The following TANGO6 variants were observed in gnomAD, a reference collection of about 807,000 sequenced individuals.
The protein encoded by TANGO6 is transport and golgi organization 6 homolog.
A neutral mutation model predicts 114.2 loss-of-function variants in TANGO6; 90 were observed. The ratio of observed to expected loss-of-function variants is 0.79; its 90% confidence interval spans 0.66 to 0.94. The LOEUF (loss-of-function observed/expected upper bound fraction) is 0.94. TANGO6 is among the 40% of genes least tolerant of loss of function. The probability of loss-of-function intolerance (pLI) is 0.00; values close to 1 mark genes in which losing one functional copy is unlikely to be tolerated. For synonymous variants in TANGO6, 477 were observed against 509.8 expected (o/e 0.94, Z 0.87); for missense variants, 1,274 against 1,315.3 (o/e 0.97, Z 0.49).
At chr16:69,022,655 G>C (rs1410819461) in intron 15 of TANGO6, among the ~76,000 whole-genome samples, 173 bp from the exon 16 acceptor site, 1 of 151,870 alleles carries the variant, frequency 6.6e-6, no homozygotes, top group Non-Finnish European at 1.5e-5. Flanking sequence ...AGTGAGCTGT[G>C]ATTGTGCCAC....
At position 68,856,380 on chromosome 16, in the gene TANGO6, A is replaced by T. The variant is rs561278104; in HGVS notation, c.95-3504A>T. 3.9e-5 allele frequency among the ~76,000 whole-genome samples: 6 copies of T among 152,234 alleles called. No homozygotes were observed. The South Asian group carries it at 1.2e-3, about 31-fold the overall frequency. ...GTTTTCTCCTTATACTGTTAATAAGATGAATCACACTGATTGAGTGTCAAG... is the reference window on the plus strand; with the variant it reads ...GTTTTCTCCTTATACTGTTAATAAGTTGAATCACACTGATTGAGTGTCAAG... On this transcript the variant is annotated intron_variant, in intron 1 of 17. Transcript: ENST00000261778.
At chr16:68,896,838 A>G (rs1010730587) in intron 7 of TANGO6, among the ~76,000 whole-genome samples, 15 of 152,144 alleles carry the variant, frequency 9.9e-5, no homozygotes, top group Non-Finnish European at 2.1e-4. Flanking sequence ...AAAAAGTCCT[A>G]TGTCTCTGTT....
intron 9 of TANGO6, among the ~76,000 whole-genome samples, chr16:68,903,560 G>A (rs1401649455): frequency 6.7e-6 from 1 of 148,212 alleles, no homozygotes; most frequent in Non-Finnish European, 1.5e-5. Flanking sequence ...GGAAGTTACA[G>A]TGAGCTGGGA....
Position 68,854,225 on chromosome 16 carries a change from G to A in TANGO6, c.95-5659G>A, listed in dbSNP as rs1445552847. The stretch of plus-strand genomic sequence containing the variant: ...TCCCAGCACTTTAAGAGGCAGAGGC[G>A]GAAGAATTGCTTAAGCATAGGAGTT... On this transcript the variant is annotated intron_variant, in intron 1 of 17. Coordinates refer to ENST00000261778, the MANE Select transcript of TANGO6 (RefSeq NM_024562.2). Among the ~76,000 whole-genome samples, 13 of 152,260 alleles carry A rather than the reference G, an allele frequency of 8.5e-5. No individual in the cohort carries two copies. The South Asian group carries it at 1.4e-3, about 17-fold the overall frequency.
Position 69,050,777 on chromosome 16 carries a change from C to T in TANGO6, c.3108+10356C>T, listed in dbSNP as rs181180124. On this transcript the variant is annotated intron_variant, in intron 17 of 17. Coordinates refer to ENST00000261778, the MANE Select transcript of TANGO6 (RefSeq NM_024562.2). ...TGCTGGGATTACAGGCTTGAGCCAC[C>T]GCGCCCGGCCCTAATTTTTTTATTT... 4.3e-3 allele frequency among the ~76,000 whole-genome samples: 659 copies of T among 151,512 alleles called. 34 individuals are homozygous for T. The highest frequency in any genetic ancestry group is 0.039 in the Admixed American group (591 of 15,158).
At chr16:68,934,829 G>T (rs1475431322) in intron 14 of TANGO6, among the ~76,000 whole-genome samples, 1 of 152,194 alleles carries the variant, frequency 6.6e-6, no homozygotes, top group South Asian at 2.1e-4. Flanking sequence ...TGGAATAAGC[G>T]TCTTAGTTGA....
At chr16:68,855,342 G>A (rs1961970301) in intron 1 of TANGO6, among the ~76,000 whole-genome samples, 1 of 152,140 alleles carries the variant, frequency 6.6e-6, no homozygotes, top group Non-Finnish European at 1.5e-5. Flanking sequence ...AGCACTTTGG[G>A]AGGCCAAGGC....
Position 68,860,211 on chromosome 16 carries a change from A to C in TANGO6, c.422A>C (p.Gln141Pro), listed in dbSNP as rs373050466. 1.2e-6 allele frequency: 2 copies of C among 1,613,982 alleles called. No homozygotes were observed. The highest frequency in any genetic ancestry group is 2.7e-5 in the African/African-American group (2 of 75,020). The change falls in exon 2 of 18, where the codon CAA (glutamine) becomes CCA (proline). Residue 141 changes from glutamine to proline, a missense_variant. This residue lies in a region of TANGO6 where 908 missense variants were observed against 910.2 expected (regional missense o/e 1.00). Coordinates refer to ENST00000261778, the MANE Select transcript of TANGO6 (RefSeq NM_024562.2). The stretch of plus-strand genomic sequence containing the variant: ...AGCCCCGATGCACTTAGTATCTCAC[A>C]ACAGAAGACTGTCCAGTTCGTTTTG... The part of the protein sequence containing the change: ...ALSPDALSIS[Q>P]QKTVQFVLQF...
chr16:68,986,769 A>G lies in TANGO6; in HGVS notation c.2842+12601A>G, dbSNP rs190360115. ...GAAATACAAAAATTAGCCAAGAGTG[A>G]TGGCACACACCTGTAATCCCAGCTA... On this transcript the variant is annotated intron_variant, in intron 15 of 17. Transcript: ENST00000261778. Among the ~76,000 whole-genome samples the G allele has an allele frequency of 5.9e-3, 891 of 152,144 alleles. 4 individuals carry two copies. Among genetic ancestry groups the G allele is most frequent in the Non-Finnish European group, 9.7e-3 (660 of 67,986 alleles).
intron 14 of TANGO6, among the ~76,000 whole-genome samples, chr16:68,936,147 G>A (rs1169802580): frequency 1.3e-5 from 2 of 152,106 alleles, no homozygotes. Flanking sequence ...TTGCACCACT[G>A]CACTCCATCC....
chr16:68,959,683 C>T (rs1963571238), intron 14 of TANGO6, among the ~76,000 whole-genome samples: 1 of 152,206 alleles, frequency 6.6e-6, no homozygotes, highest in African/African-American at 2.4e-5. Context: ...GTGCCCCAGA[C>T]ACAGGGCACA....
Position 68,907,432 on chromosome 16 carries a change from C to T in TANGO6, c.1668-11C>T, listed in dbSNP as rs1962867130. The T allele has an allele frequency of 6.4e-7, 1 of 1,568,248 alleles. No individual in the cohort carries two copies. Among genetic ancestry groups the T allele is most frequent in the African/African-American group, 1.4e-5 (1 of 72,844 alleles). On this transcript the variant is annotated splice_polypyrimidine_tract_variant and intron_variant, in intron 9 of 17. Coordinates refer to ENST00000261778, the MANE Select transcript of TANGO6 (RefSeq NM_024562.2). ...TGACACTACCAAGATAAATTTTACC[C>T]TGCATTGCAGTGATGAAGATGAAGA... is the stretch of plus-strand genomic sequence containing the variant.
intron 11 of TANGO6, among the ~76,000 whole-genome samples, chr16:68,917,362 A>T (rs948072383): frequency 3.9e-5 from 6 of 152,184 alleles, no homozygotes; most frequent in Non-Finnish European, 8.8e-5. Flanking sequence ...GCTGCTATAA[A>T]CAACCATGTG....
At chr16:68,970,951 G>A (rs1345584182) in intron 14 of TANGO6, among the ~76,000 whole-genome samples, 2 of 151,986 alleles carry the variant, frequency 1.3e-5, no homozygotes, top group African/African-American at 4.8e-5. Flanking sequence ...TCAGGAGTTC[G>A]AGATCAGCCT....
chr16:68,974,463 A>G (rs1597043319), intron 15 of TANGO6, among the ~76,000 whole-genome samples: 1 of 152,036 alleles, frequency 6.6e-6, no homozygotes, highest in South Asian at 2.1e-4. Context: ...GGAGTTCAAG[A>G]CCAGCCTGGT....
chr16:68,845,389 T>C (rs1368591510), intron 1 of TANGO6, among the ~76,000 whole-genome samples: 2 of 152,196 alleles, frequency 1.3e-5, no homozygotes, highest in African/African-American at 4.8e-5. Flanking sequence ...TCTCTATGAG[T>C]ATGTGGTGGA....
chr16:69,054,868 G>A (rs1485756605), intron 17 of TANGO6, among the ~76,000 whole-genome samples: 2 of 150,852 alleles, frequency 1.3e-5, no homozygotes, highest in African/African-American at 4.9e-5. Flanking sequence ...GTGAACCCGG[G>A]AGGCGGAGCT....
At chr16:68,959,462 C>T (rs1300292897) in intron 14 of TANGO6, among the ~76,000 whole-genome samples, 1 of 152,040 alleles carries the variant, frequency 6.6e-6, no homozygotes, top group East Asian at 1.9e-4. Flanking sequence ...TGGTGTGCAC[C>T]TATAATCCCA....
chr16:68,845,987 G>A (rs1961796464), intron 1 of TANGO6, among the ~76,000 whole-genome samples: 1 of 151,772 alleles, frequency 6.6e-6, no homozygotes, highest in Non-Finnish European at 1.5e-5. Flanking sequence ...CTTGTAGCTG[G>A]GACTATAGGC....
Sources: allele counts gnomAD v4.1 joint callset (sites outside exome capture counted in the v4.1 genomes callset), GRCh38; gene constraint gnomAD v4.1.1; regional missense constraint gnomAD v4.1.1; transcripts MANE v1.5; gene names NCBI Gene and HGNC (gene_info 2026-07-23, HGNC 2026-07-21).